The following RTN4IP1 variants were observed in gnomAD, a reference collection of about 807,000 sequenced individuals.
RTN4IP1 encodes the protein NAD(P)H oxidoreductase RTN4IP1, mitochondrial.
A neutral mutation model predicts 46.6 loss-of-function variants in RTN4IP1; 32 were observed. The observed-to-expected ratio is 0.69, with a 90% CI of 0.52 to 0.92. The LOEUF is 0.92. Among genes scored for constraint, RTN4IP1 ranks in the 40% least tolerant of loss-of-function variants. The probability of loss-of-function intolerance (pLI) is 0.00; values close to 1 mark genes in which losing one functional copy is unlikely to be tolerated. For synonymous variants in RTN4IP1, 167 were observed against 161.8 expected (o/e 1.03, Z -0.24); for missense variants, 424 against 485.8 (o/e 0.87, Z 1.20).
At chr6:106,577,497 T>C (rs1250938119) in intron 8 of RTN4IP1, among the ~76,000 whole-genome samples, 2 of 150,188 alleles carry the variant, frequency 1.3e-5, no homozygotes, top group African/African-American at 4.9e-5. Context: ...ACTTGATTTC[T>C]AGCCATCTGG....
At chr6:106,621,617 C>G (rs558282656) in intron 2 of RTN4IP1, 124 bp from the exon 3 acceptor site, 4 of 684,580 alleles carry the variant, frequency 5.8e-6, no homozygotes, top group East Asian at 2.5e-5. Context: ...AGCACTACAC[C>G]AAGCAGGAGT....
At chr6:106,590,207 C>G (rs970307453) in intron 6 of RTN4IP1, among the ~76,000 whole-genome samples, 34 of 151,976 alleles carry the variant, frequency 2.2e-4, no homozygotes, top group African/African-American at 7.5e-4. Flanking sequence ...GTAATCCCAG[C>G]TACTCAGGAG....
intron 8 of RTN4IP1, among the ~76,000 whole-genome samples, chr6:106,574,143 G>A (rs1246222717): frequency 6.6e-6 from 1 of 152,156 alleles, no homozygotes; most frequent in East Asian, 1.9e-4. Flanking sequence ...GTTGCAGAAT[G>A]GAATGCATTG....
At chr6:106,580,634 G>A (rs933502779) in intron 8 of RTN4IP1, among the ~76,000 whole-genome samples, 2 of 150,664 alleles carry the variant, frequency 1.3e-5, no homozygotes, top group African/African-American at 2.4e-5. Flanking sequence ...CAGGAGAATC[G>A]CTTGTACCCG....
chr6:106,593,691 CATA>C (rs1775717013), intron 5 of RTN4IP1, among the ~76,000 whole-genome samples: 1 of 152,168 alleles, frequency 6.6e-6, no homozygotes, highest in Non-Finnish European at 1.5e-5. Flanking sequence ...TTAACTTATT[CATA>C]ATCTTACCCA....
chr6:106,591,643 A>G (rs1290645523), intron 6 of RTN4IP1, among the ~76,000 whole-genome samples: 3 of 152,126 alleles, frequency 2.0e-5, no homozygotes, highest in South Asian at 2.1e-4. Context: ...ACATGACCCA[A>G]GAGAATTCCT....
upstream of RTN4IP1, chr6:106,629,704 A>C (rs761168507): frequency 6.2e-7 from 1 of 1,605,942 alleles, no homozygotes; most frequent in Non-Finnish European, 8.5e-7. Context: ...AGCCTCCGAG[A>C]AGTGAGTGGA....
At chr6:106,625,294 C>T (rs1776607551) in intron 1 of RTN4IP1, among the ~76,000 whole-genome samples, 1 of 152,024 alleles carries the variant, frequency 6.6e-6, no homozygotes, top group Non-Finnish European at 1.5e-5. Context: ...TTGCCCCGCA[C>T]CCACTCCTGT....
intron 5 of RTN4IP1, among the ~76,000 whole-genome samples, chr6:106,592,837 G>A (rs1244000076): frequency 6.6e-6 from 1 of 151,992 alleles, no homozygotes; most frequent in East Asian, 1.9e-4. Context: ...GCCAAGGCAG[G>A]AGAATCGCTT....
chr6:106,621,216 A>T (rs1271268841), intron 3 of RTN4IP1, among the ~76,000 whole-genome samples: 1 of 152,218 alleles, frequency 6.6e-6, no homozygotes, highest in East Asian at 1.9e-4. Context: ...TCCCTGCTCT[A>T]TGAGAGAAAA....
At chr6:106,587,558 G>T in intron 7 of RTN4IP1, 121 bp downstream of exon 7, 2 of 845,330 alleles carry the variant, frequency 2.4e-6, no homozygotes, top group Non-Finnish European at 3.8e-6. Context: ...TGACTGCAGA[G>T]TCCATGCTTG....
At chr6:106,577,157 G>A (rs564830204) in intron 8 of RTN4IP1, among the ~76,000 whole-genome samples, 12 of 152,140 alleles carry the variant, frequency 7.9e-5, no homozygotes, top group South Asian at 6.2e-4. Flanking sequence ...CTTCCTGGCC[G>A]TGTGCAGTGG....
At position 106,622,969 on chromosome 6, in the gene RTN4IP1, C is replaced by T; in HGVS notation, c.275G>A (p.Ser92Asn). Residue 92 changes from serine (S) to asparagine (N), a missense_variant and splice_region_variant, in exon 2 of 9, where the codon AGT (serine) becomes AAT (asparagine). Coordinates refer to ENST00000369063, the MANE Select transcript of RTN4IP1 (RefSeq NM_032730.5). ...ATTTAAAGCTGTAGCTCCATAACCACCTGTAAAATACAATTTATCTGTTTC... is the reference window on the plus strand; with the variant it reads ...ATTTAAAGCTGTAGCTCCATAACCATCTGTAAAATACAATTTATCTGTTTC... ...SVNPIDVNMR[S>N]GYGATALNMK... 1 of 1,613,582 alleles carries T rather than the reference C, an allele frequency of 6.2e-7. No individual in the cohort carries two copies. The highest frequency in any genetic ancestry group is 8.5e-7 in the Non-Finnish European group (1 of 1,179,706).
intron 4 of RTN4IP1, among the ~76,000 whole-genome samples, chr6:106,605,127 C>T (rs1776030609): frequency 6.6e-6 from 1 of 152,164 alleles, no homozygotes; most frequent in Non-Finnish European, 1.5e-5. Flanking sequence ...TGCCTGGCAC[C>T]CCTATGTCCA....
chr6:106,603,938 G>A (rs1417930047), intron 4 of RTN4IP1, among the ~76,000 whole-genome samples: 1 of 152,120 alleles, frequency 6.6e-6, no homozygotes, highest in East Asian at 1.9e-4. Context: ...AGGGGATATT[G>A]TTGACAGAAT....
intron 5 of RTN4IP1, among the ~76,000 whole-genome samples, chr6:106,602,601 T>C (rs1376482696): frequency 1.3e-5 from 2 of 152,210 alleles, no homozygotes; most frequent in African/African-American, 4.8e-5. Flanking sequence ...ACTAGAAAGC[T>C]TAATGCTTCC....
chr6:106,595,251 C>A (rs1411771111), intron 5 of RTN4IP1, among the ~76,000 whole-genome samples: 1 of 152,198 alleles, frequency 6.6e-6, no homozygotes, highest in South Asian at 2.1e-4. Flanking sequence ...ACACGTCGCT[C>A]TGTCCTCTGT....
chr6:106,585,214 C>T (rs532657163), intron 7 of RTN4IP1, among the ~76,000 whole-genome samples: 1 of 152,356 alleles, frequency 6.6e-6, no homozygotes, highest in Admixed American at 6.5e-5. Flanking sequence ...TGGCTCACAC[C>T]TATAATCCCA....
intron 1 of RTN4IP1, among the ~76,000 whole-genome samples, chr6:106,628,477 A>T (rs550550057): frequency 6.4e-4 from 97 of 152,186 alleles, no homozygotes; most frequent in Non-Finnish European, 1.4e-3. Context: ...CAAAAAAAAA[A>T]AAGTTAGCTA....
Sources: gnomAD v4.1 joint callset for allele counts (sites outside exome capture counted in the v4.1 genomes callset) on GRCh38, gnomAD v4.1.1 for gene constraint, MANE v1.5 for transcripts, NCBI Gene and HGNC (gene_info 2026-07-23, HGNC 2026-07-21) for gene names.